The following MACROD2 variants were observed in gnomAD, a reference collection of about 807,000 sequenced individuals.
MACROD2 encodes the protein ADP-ribose glycohydrolase MACROD2.
MACROD2 carries 36 observed loss-of-function variants against 70.4 expected under a neutral mutation model. That is an observed-to-expected ratio of 0.51 (90% CI 0.39 to 0.68). MACROD2 has a LOEUF of 0.68. Among genes scored for constraint, MACROD2 ranks in the 30% least tolerant of loss-of-function variants. The pLI is 0.00. For synonymous variants in MACROD2, 172 were observed against 178.8 expected (o/e 0.96, Z 0.30); for missense variants, 496 against 538.4 (o/e 0.92, Z 0.78).
intron 5 of MACROD2, among the ~76,000 whole-genome samples, chr20:15,058,833 C>T (rs2075508655): frequency 6.6e-6 from 1 of 152,148 alleles, no homozygotes; most frequent in Non-Finnish European, 1.5e-5. Context: ...TATATCAGTA[C>T]CTACATGTGA....
At chr20:14,700,311 C>T (rs2071180150) in intron 5 of MACROD2, among the ~76,000 whole-genome samples, 1 of 150,850 alleles carries the variant, frequency 6.6e-6, no homozygotes, top group East Asian at 2.0e-4. Flanking sequence ...TTGCAACGTG[C>T]CGTGTAGCAT....
rs202234393 is a variant in MACROD2 at position 15,294,819 on chromosome 20, TG to T, written c.540+64760del. 5.5e-3 allele frequency among the ~76,000 whole-genome samples: 831 copies of T among 152,318 alleles called. 12 individuals carry two copies. The highest frequency in any genetic ancestry group is 0.019 in the African/African-American group (798 of 41,568). On this transcript the variant is annotated intron_variant, in intron 6 of 17. Coordinates refer to ENST00000684519, the MANE Select transcript of MACROD2 (RefSeq NM_001351661.2). ...AGAAGCCAGTTAAAATATCTTTACCTGGCCTATAAACCCATTAAAAAACAAA... is the reference window on the plus strand; with the variant it reads ...AGAAGCCAGTTAAAATATCTTTACCTGCCTATAAACCCATTAAAAAACAAA...
In MACROD2 at chr20:15,232,724, A is replaced by G. The variant is rs139164053; in HGVS notation, c.540+2663A>G. Among the ~76,000 whole-genome samples, 857 of 152,170 alleles carry G rather than the reference A, an allele frequency of 5.6e-3. 5 individuals carry two copies. The highest frequency in any genetic ancestry group is 5.8e-3 in the Non-Finnish European group (397 of 67,910). ...AACACCAGAACTCTAGACATTTACC[A>G]TGTAATTTCTTGATGTTTTTAAACA... On this transcript the variant is annotated intron_variant, in intron 6 of 17. Coordinates refer to ENST00000684519, the MANE Select transcript of MACROD2 (RefSeq NM_001351661.2).
chr20:14,083,132 A>G (rs2054021910), intron 2 of MACROD2, among the ~76,000 whole-genome samples: 1 of 151,776 alleles, frequency 6.6e-6, no homozygotes, highest in African/African-American at 2.4e-5. Context: ...AAAAAAAAAA[A>G]AAAAAAAAGG....
intron 3 of MACROD2, among the ~76,000 whole-genome samples, chr20:14,417,052 A>G (rs998041197): frequency 2.2e-4 from 17 of 75,580 alleles, no homozygotes; most frequent in African/African-American, 5.8e-4. Flanking sequence ...TCTATTATCT[A>G]TCTATCTATC....
chr20:15,238,674 A>G (rs2077035070), intron 6 of MACROD2, among the ~76,000 whole-genome samples: 1 of 152,146 alleles, frequency 6.6e-6, no homozygotes, highest in Non-Finnish European at 1.5e-5. Context: ...GCTTTATTTC[A>G]TCTACAATTT....
At chr20:14,928,301 G>A (rs2074257687) in intron 5 of MACROD2, among the ~76,000 whole-genome samples, 1 of 152,130 alleles carries the variant, frequency 6.6e-6, no homozygotes. Flanking sequence ...CAGAAATATT[G>A]ATGAGTCATC....
At chr20:15,508,869 G>A (rs919329280) in intron 8 of MACROD2, among the ~76,000 whole-genome samples, 1 of 152,164 alleles carries the variant, frequency 6.6e-6, no homozygotes, top group Non-Finnish European at 1.5e-5. Context: ...AGGGCAGTTG[G>A]CAAGAGTCAC....
chr20:14,355,939 G>T (rs145044664), intron 3 of MACROD2, among the ~76,000 whole-genome samples: 1 of 152,078 alleles, frequency 6.6e-6, no homozygotes. Flanking sequence ...TGTCTTTCCC[G>T]ATAGAAAGAG....
intron 9 of MACROD2, among the ~76,000 whole-genome samples, 194 bp from the exon 10 acceptor site, chr20:15,885,570 T>G (rs1235612541): frequency 6.6e-6 from 1 of 152,136 alleles, no homozygotes; most frequent in African/African-American, 2.4e-5. Context: ...GGCTTTAAAT[T>G]GTGCATTAAT....
chr20:14,917,012 A>G (rs1230717456), intron 5 of MACROD2, among the ~76,000 whole-genome samples: 2 of 151,974 alleles, frequency 1.3e-5, no homozygotes, highest in African/African-American at 4.8e-5. Flanking sequence ...CTACATGCCA[A>G]ATAACAAATG....
At chr20:14,137,515 G>C (rs1190582631) in intron 3 of MACROD2, among the ~76,000 whole-genome samples, 1 of 152,092 alleles carries the variant, frequency 6.6e-6, no homozygotes, top group Non-Finnish European at 1.5e-5. Context: ...AAGGCACCCT[G>C]AATACACAAT....
intron 3 of MACROD2, among the ~76,000 whole-genome samples, chr20:14,397,337 C>T (rs1231717561): frequency 6.6e-6 from 1 of 152,124 alleles, no homozygotes; most frequent in Non-Finnish European, 1.5e-5. Flanking sequence ...TGGGTTTGAA[C>T]ATACATCTTG....
intron 3 of MACROD2, among the ~76,000 whole-genome samples, chr20:14,123,139 C>T (rs565250268): frequency 8.5e-5 from 13 of 152,170 alleles, no homozygotes; most frequent in Middle Eastern, 3.4e-3. Flanking sequence ...ATCTGATTGT[C>T]GGAAAGTATA....
At chr20:14,823,219 C>T (rs2072866806) in intron 5 of MACROD2, among the ~76,000 whole-genome samples, 1 of 152,058 alleles carries the variant, frequency 6.6e-6, no homozygotes, top group East Asian at 1.9e-4. Flanking sequence ...CTATTTGTAA[C>T]TTGTTGATCT....
chr20:14,241,597 TTAGTAAAGG>T (rs2081930314), intron 3 of MACROD2, among the ~76,000 whole-genome samples: 1 of 152,088 alleles, frequency 6.6e-6, no homozygotes, highest in African/African-American at 2.4e-5. Flanking sequence ...GCCACCACCT[TTAGTAAAGG>T]TACATGGTGA....
intron 3 of MACROD2, among the ~76,000 whole-genome samples, chr20:14,179,641 C>G (rs1051642580): frequency 6.6e-6 from 1 of 152,064 alleles, no homozygotes; most frequent in Non-Finnish European, 1.5e-5. Context: ...AGGGGAAAGA[C>G]TAATTAAAAC....
chr20:15,706,166 A>G (rs1172170644), intron 8 of MACROD2, among the ~76,000 whole-genome samples: 2 of 152,216 alleles, frequency 1.3e-5, no homozygotes, highest in African/African-American at 2.4e-5. Flanking sequence ...ACTCAGCTTT[A>G]GTAACTGCAA....
intron 5 of MACROD2, among the ~76,000 whole-genome samples, chr20:15,138,528 G>A (rs2076167974): frequency 6.6e-6 from 1 of 152,086 alleles, no homozygotes; most frequent in African/African-American, 2.4e-5. Context: ...AATCTTTACA[G>A]AAGTCTTATT....
Sources: gnomAD v4.1 joint callset for allele counts (sites outside exome capture counted in the v4.1 genomes callset) on GRCh38, gnomAD v4.1.1 for gene constraint, MANE v1.5 for transcripts, NCBI Gene and HGNC (gene_info 2026-07-23, HGNC 2026-07-21) for gene names.